RUNDC1: variants seen among roughly 807,000 people sequenced by gnomAD.
RUNDC1 encodes the protein RUN domain containing 1.
A neutral mutation model predicts 49.3 loss-of-function variants in RUNDC1; 31 were observed. The observed-to-expected ratio is 0.63, with a 90% CI of 0.47 to 0.85. The LOEUF (loss-of-function observed/expected upper bound fraction) is 0.85, where lower values mean the gene tolerates loss of function less well. Among genes scored for constraint, RUNDC1 ranks in the 40% least tolerant of loss-of-function variants. The pLI is 0.00. For missense variants in RUNDC1, 715 were observed against 806.7 expected, an observed-to-expected ratio of 0.89 and a Z score of 1.38; for synonymous variants, 347 against 348.6, an observed-to-expected ratio of 1.00 and a Z score of 0.05.
rs2050260916 is a variant in RUNDC1 at position 42,992,694 on chromosome 17, C to T, written c.*978C>T. 6.6e-6 allele frequency: 1 copy of T among 152,060 alleles called. No individual in the cohort carries two copies. Among genetic ancestry groups the T allele is most frequent in the African/African-American group, 2.4e-5 (1 of 41,382 alleles). The allele number at this position is 152,060 out of a possible 1,614,324, so 9.4% of individuals were successfully genotyped here. On this transcript the variant is annotated 3_prime_UTR_variant, in exon 5 of 5. Coordinates refer to ENST00000361677, the MANE Select transcript of RUNDC1 (RefSeq NM_173079.5). ...TTAAATTCCTTTTATGAATAGATTT[C>T]CCTTTCTTCCTGACCCCAAGGTCAG...
At position 42,980,683 on chromosome 17, in the gene RUNDC1, A is replaced by T; in HGVS notation, c.107A>T (p.Glu36Val). ...GAAGAGGAGCCGCTGCCACCGTGCG[A>T]GGCGGTGCGCTGGGCCCCAGTGGGG... is the stretch of plus-strand genomic sequence containing the variant. ...EEEEEPLPPC[E>V]AVRWAPVGAV... Residue 36 changes from glutamate to valine, a missense_variant, in exon 1 of 5, where the codon GAG (glutamate) becomes GTG (valine). This residue lies in a region of RUNDC1 where 153 missense variants were observed against 139.4 expected (regional missense o/e 1.10). Transcript: ENST00000361677. The T allele has an allele frequency of 6.4e-7, 1 of 1,574,032 alleles. No homozygotes were observed. Among genetic ancestry groups the T allele is most frequent in the Non-Finnish European group, 8.6e-7 (1 of 1,163,062 alleles).
chr17:42,984,139 A>T lies in RUNDC1; in HGVS notation c.498+3065A>T, dbSNP rs1319337592. 1.3e-5 allele frequency among the ~76,000 whole-genome samples: 2 copies of T among 151,432 alleles called. 1 individual carries two copies. Among genetic ancestry groups the T allele is most frequent in the South Asian group, 4.2e-4 (2 of 4,776 alleles). ...CGCACACTACCATGACTAGCTAATT[A>T]AAAAATATATTTTTTCTGTAGAGGT... On this transcript the variant is annotated intron_variant, in intron 1 of 4. Transcript: ENST00000361677.
intron 2 of RUNDC1, 22 bp downstream of exon 2, chr17:42,987,436 C>T (rs902107955): frequency 3.7e-6 from 6 of 1,612,034 alleles, no homozygotes; most frequent in Non-Finnish European, 5.1e-6. Context: ...CCAGAGGAAC[C>T]TCCACCACTG....
chr17:42,981,109 G>T, intron 1 of RUNDC1, 35 bp downstream of exon 1: 1 of 1,537,328 alleles, frequency 6.5e-7, no homozygotes, highest in Non-Finnish European at 8.7e-7. Context: ...AGGAATATGG[G>T]AATAGTGGGG....
chr17:42,984,286 T>C (rs933647055), intron 1 of RUNDC1, among the ~76,000 whole-genome samples: 1 of 150,734 alleles, frequency 6.6e-6, no homozygotes, highest in African/African-American at 2.4e-5. Flanking sequence ...CCCAGTTTTT[T>C]TTTTTTTTTT....
At chr17:42,984,227 T>C (rs1380792639) in intron 1 of RUNDC1, among the ~76,000 whole-genome samples, 1 of 151,456 alleles carries the variant, frequency 6.6e-6, no homozygotes, top group Non-Finnish European at 1.5e-5. Context: ...CCTCCCACCT[T>C]AGCCTCCCTA....
At chr17:42,981,321 T>A in intron 1 of RUNDC1, 1 of 526,458 alleles carries the variant, frequency 1.9e-6, no homozygotes, top group Non-Finnish European at 3.3e-6. Context: ...ATGACGTGAG[T>A]GGTAGAGGAG....
chr17:42,984,981 C>T (rs1350157149), intron 1 of RUNDC1, among the ~76,000 whole-genome samples: 4 of 149,320 alleles, frequency 2.7e-5, no homozygotes, highest in Non-Finnish European at 4.4e-5. Context: ...CTCCAACCTC[C>T]GCCTCCTGGG....
rs199576891 is a variant in RUNDC1, at chr17:42,980,593, C to T, written c.17C>T (p.Ala6Val). The T allele has an allele frequency of 1.9e-5, 31 of 1,609,358 alleles. No homozygotes were observed. Among genetic ancestry groups the T allele is most frequent in the Admixed American group, 3.3e-5 (2 of 59,786 alleles). Residue 6 changes from alanine (A) to valine (V), a missense_variant, in exon 1 of 5, where the codon GCG (alanine) becomes GTG (valine). Physicochemically the swap from Ala to Val is moderately conservative, Grantham distance 64. Transcript: ENST00000361677. MAAVE[A>V]AAEPVTVVAA... The stretch of plus-strand genomic sequence containing the variant: ...TCCGGGAAGATGGCGGCTGTCGAAG[C>T]GGCTGCAGAGCCGGTAACGGTGGTG...
At chr17:42,985,574 C>A in intron 1 of RUNDC1, 1 of 493,020 alleles carries the variant, frequency 2.0e-6, no homozygotes, top group Non-Finnish European at 2.6e-6. Flanking sequence ...ATTTTAAATA[C>A]TTAAACAAAA....
intron 1 of RUNDC1, among the ~76,000 whole-genome samples, chr17:42,986,291 T>A (rs1373343710): frequency 1.3e-5 from 2 of 151,700 alleles, no homozygotes. Flanking sequence ...TTTTTAAAAA[T>A]TTTTTTGTGG....
chr17:42,989,396 G>C lies in RUNDC1; in HGVS notation c.713G>C (p.Ser238Thr), dbSNP rs1375862340. The C allele has an allele frequency of 1.9e-6, 3 of 1,614,088 alleles. No individual in the cohort carries two copies. Among genetic ancestry groups the C allele is most frequent in the Non-Finnish European group, 8.5e-7 (1 of 1,179,990 alleles). The change falls in exon 3 of 5, where the codon AGT (serine) becomes ACT (threonine). Residue 238 changes from serine (S) to threonine (T), a missense_variant. Ser to Thr is a moderately conservative substitution (Grantham distance 58, BLOSUM62 1). Around this residue, in one of 5 missense-constraint regions of RUNDC1, gnomAD observed 425 missense variants for 499.7 expected, o/e 0.85. Coordinates refer to ENST00000361677, the MANE Select transcript of RUNDC1 (RefSeq NM_173079.5). ...KLDMNLNEDI[S>T]SLSTEELRQR... ...GACATGAATCTGAATGAGGACATCA[G>C]TTCCCTGTCCACTGAAGAGCTTCGT...
rs749942023 is a variant in RUNDC1 at position 42,994,655 on chromosome 17, G to A, written c.*2939G>A. Among the ~76,000 whole-genome samples the A allele has an allele frequency of 3.3e-5, 5 of 152,162 alleles. No individual in the cohort carries two copies. The highest frequency in any genetic ancestry group is 1.9e-4 in the East Asian group (1 of 5,204). Reference sequence around the variant, plus strand: ...GGACAAGGCTGCAGGGAGACAGGCCGGCAGCCATGACTTTCATGTCTAAGT... The same window carrying A: ...GGACAAGGCTGCAGGGAGACAGGCCAGCAGCCATGACTTTCATGTCTAAGT... On this transcript the variant is annotated 3_prime_UTR_variant, in exon 5 of 5. Coordinates refer to ENST00000361677, the MANE Select transcript of RUNDC1 (RefSeq NM_173079.5).
chr17:42,987,208 G>C (rs1349134197), intron 1 of RUNDC1, 48 bp from the exon 2 acceptor site: 2 of 1,519,700 alleles, frequency 1.3e-6, no homozygotes, highest in Admixed American at 3.4e-5. Context: ...AATGTGCCCT[G>C]AGTTTCCCTT....
chr17:42,991,171 G>A lies in RUNDC1; in HGVS notation c.1297G>A (p.Ala433Thr), dbSNP rs1274236668. ...GGCTGTGCGGAAGGAGCTAACGGTG[G>A]CTGTGAGGGACCTGCTGGCCCATGG... ...TMAVRKELTVAVRDLLAHGLY... is the reference protein window; with the variant it reads ...TMAVRKELTVTVRDLLAHGLY... The change falls in exon 5 of 5, where the codon GCT becomes ACT. Residue 433 changes from alanine to threonine, a missense_variant. Physicochemically the swap from Ala to Thr is moderately conservative, Grantham distance 58. Coordinates refer to ENST00000361677, the MANE Select transcript of RUNDC1 (RefSeq NM_173079.5). The A allele has an allele frequency of 1.9e-6, 3 of 1,614,124 alleles. No individual in the cohort carries two copies. In the African/African-American group the frequency reaches 4.0e-5, roughly 22 times the overall value.
intron 1 of RUNDC1, 150 bp from the exon 2 acceptor site, chr17:42,987,106 C>T: frequency 1.8e-6 from 1 of 567,218 alleles, no homozygotes; most frequent in Non-Finnish European, 3.1e-6. Context: ...ATTATTCTTA[C>T]TTTTGAATCT....
Position 42,994,981 on chromosome 17 carries a change from C to G in RUNDC1, c.*3265C>G, listed in dbSNP as rs2050288263. On this transcript the variant is annotated 3_prime_UTR_variant, in exon 5 of 5. Coordinates refer to ENST00000361677, the MANE Select transcript of RUNDC1 (RefSeq NM_173079.5). ...CCGTCTAAGGTGCTCTCCAATCATT[C>G]ATTCACTATTGATCACTTAGCAACT... Among the ~76,000 whole-genome samples, 1 of 152,170 alleles carries G rather than the reference C, an allele frequency of 6.6e-6. No homozygotes were observed. Among genetic ancestry groups the G allele is most frequent in the African/African-American group, 2.4e-5 (1 of 41,454 alleles).
rs764807787 is a variant in RUNDC1 at position 42,991,007 on chromosome 17, A to G, written c.1133A>G (p.Tyr378Cys). The change falls in exon 5 of 5, where the codon TAC (tyrosine) becomes TGC (cysteine). Residue 378 changes from tyrosine (Y) to cysteine (C), a missense_variant. Physicochemically the swap from Tyr to Cys is radical, Grantham distance 194. This residue lies in a region of RUNDC1 where 425 missense variants were observed against 499.7 expected (regional missense o/e 0.85). Coordinates refer to ENST00000361677, the MANE Select transcript of RUNDC1 (RefSeq NM_173079.5). ...LWQRVQADRD[Y>C]SPLLKRLEVS... ...CAGAGGGTCCAGGCTGACAGAGACT[A>G]CTCTCCCTTGCTGAAGAGGCTGGAG... The G allele has an allele frequency of 8.1e-6, 13 of 1,613,812 alleles. No homozygotes were observed. In the African/African-American group the frequency reaches 1.3e-4, roughly 17 times the overall value.
Position 42,987,343 on chromosome 17 carries a change from C to T in RUNDC1, c.586C>T (p.Leu196=), listed in dbSNP as rs150170620. The change falls in exon 2 of 5, where the codon CTG becomes TTG. Residue 196 remains leucine, a synonymous_variant. Transcript: ENST00000361677. ...ILQLKTQLDD[L]ETFAYQEGSY... ...GCAGCTCAAGACCCAGCTAGATGAC[C>T]TGGAAACGTTTGCCTATCAAGAGGG... The T allele has an allele frequency of 3.3e-5, 53 of 1,614,042 alleles. No individual in the cohort carries two copies. In the African/African-American group the frequency reaches 5.6e-4, roughly 17 times the overall value.
Sources: allele counts gnomAD v4.1 joint callset (sites outside exome capture counted in the v4.1 genomes callset), GRCh38; gene constraint gnomAD v4.1.1; regional missense constraint gnomAD v4.1.1; transcripts MANE v1.5; gene names NCBI Gene and HGNC (gene_info 2026-07-23, HGNC 2026-07-21).